Variants in TIPIN observed in about 807,000 individuals in gnomAD.
The protein encoded by TIPIN is TIMELESS-interacting protein.
A neutral mutation model predicts 35.6 loss-of-function variants in TIPIN; 29 were observed. The observed-to-expected ratio is 0.82, with a 90% CI of 0.61 to 1.11. TIPIN has a LOEUF of 1.11. TIPIN is among the 50% of genes most tolerant of loss of function. TIPIN has a pLI of 0.00. For missense variants in TIPIN, 296 were observed against 345.4 expected (o/e 0.86, Z 1.13); for synonymous variants, 102 against 121.5 (o/e 0.84, Z 1.06).
intron 4 of TIPIN, among the ~76,000 whole-genome samples, chr15:66,350,312 C>T (rs769176654): frequency 3.3e-5 from 5 of 151,736 alleles, no homozygotes; most frequent in Non-Finnish European, 5.9e-5. Flanking sequence ...AGTACAAAAA[C>T]TTAATAAAGT....
At chr15:66,365,682 G>C (rs1178580750) in intron 1 of TIPIN, among the ~76,000 whole-genome samples, 1 of 152,148 alleles carries the variant, frequency 6.6e-6, no homozygotes, top group Non-Finnish European at 1.5e-5. Flanking sequence ...GAGTAGCTGG[G>C]ATTACAGGTG....
rs747825457 is a variant in TIPIN, at chr15:66,364,158, CTTTTTTTTTTTTTTTTTT to C, written c.-8-11221_-8-11204del. 6.4e-3 allele frequency among the ~76,000 whole-genome samples: 470 copies of C among 73,844 alleles called. 5 individuals are homozygous for C. Among genetic ancestry groups the C allele is most frequent in the African/African-American group, 0.026 (451 of 17,096 alleles). 48.4% of individuals were successfully genotyped at this position (73,844 alleles called of 152,430 possible). A position where few individuals can be genotyped will look rare whatever the true frequency, so the allele number is the denominator to read the frequency against. On this transcript the variant is annotated intron_variant, in intron 1 of 7. Coordinates refer to the TIPIN transcript ENST00000562124. ...CATGCTATAGAGAAATCTTTCTTTT[CTTTTTTTTTTTTTTTTTT>C]TTTTTTGAGACAGAGTCTTGCTCTT...
At chr15:66,382,941 G>C (rs777171938) in intron 1 of TIPIN, 1 of 985,276 alleles carries the variant, frequency 1.0e-6, no homozygotes, top group Non-Finnish European at 1.2e-6. Context: ...GATCACTGCC[G>C]GTCTGAAAAG....
At chr15:66,361,748 C>A (rs543457404) in intron 1 of TIPIN, among the ~76,000 whole-genome samples, 2 of 152,266 alleles carry the variant, frequency 1.3e-5, no homozygotes, top group Admixed American at 1.3e-4. Flanking sequence ...TGGCTCATGC[C>A]TGTAACCCCA....
intron 1 of TIPIN, among the ~76,000 whole-genome samples, chr15:66,368,626 A>G (rs2140487513): frequency 6.6e-6 from 1 of 152,280 alleles, no homozygotes; most frequent in East Asian, 1.9e-4. Context: ...CATAGAACTC[A>G]AAAGAAGTAT....
intron 1 of TIPIN, chr15:66,379,196 C>T (rs2093308975): frequency 1.6e-6 from 2 of 1,212,696 alleles, no homozygotes; most frequent in East Asian, 2.6e-5. Flanking sequence ...GCCTTGATTG[C>T]ATCTTTGATG....
chr15:66,343,418 G>C (rs775974696), intron 6 of TIPIN, among the ~76,000 whole-genome samples: 2 of 151,916 alleles, frequency 1.3e-5, no homozygotes, highest in Non-Finnish European at 2.9e-5. Context: ...TGAAATATTA[G>C]CTAATTATAG....
At chr15:66,383,552 CCACCA>C (rs1252557707) in intron 1 of TIPIN, 12 of 983,056 alleles carry the variant, frequency 1.2e-5, no homozygotes, top group Non-Finnish European at 1.4e-5. Context: ...GTGTGAGCCA[CCACCA>C]CACCTGGCCT....
chr15:66,383,333 G>T (rs2093324797), intron 1 of TIPIN, among the ~76,000 whole-genome samples: 1 of 151,456 alleles, frequency 6.6e-6, no homozygotes. Flanking sequence ...AGTGATCTTG[G>T]CTCACTGTAA....
At chr15:66,364,354 C>T (rs1249365705) in intron 1 of TIPIN, among the ~76,000 whole-genome samples, 2 of 151,366 alleles carry the variant, frequency 1.3e-5, no homozygotes, top group African/African-American at 2.4e-5. Context: ...TTACTAGAGA[C>T]GGGGTTTCAC....
intron 1 of TIPIN, among the ~76,000 whole-genome samples, chr15:66,383,982 A>T (rs2140505780): frequency 6.6e-6 from 1 of 152,132 alleles, no homozygotes; most frequent in African/African-American, 2.4e-5. Flanking sequence ...AATAAAATTT[A>T]TTTTTATTTA....
chr15:66,345,063 A>G (rs1213989256), intron 6 of TIPIN, among the ~76,000 whole-genome samples: 2 of 152,108 alleles, frequency 1.3e-5, no homozygotes, highest in African/African-American at 4.8e-5. Flanking sequence ...AAAGGGAAAC[A>G]AGGGCAATGC....
chr15:66,368,475 G>A (rs75786074), intron 1 of TIPIN, among the ~76,000 whole-genome samples: 2,650 of 152,138 alleles, frequency 0.017, 38 homozygotes, highest in South Asian at 0.055. Flanking sequence ...GCTGTAGTGA[G>A]CCATGATCGT....
At chr15:66,340,627 A>T (rs1253454907) in intron 7 of TIPIN, among the ~76,000 whole-genome samples, 1 of 150,426 alleles carries the variant, frequency 6.6e-6, no homozygotes, top group Non-Finnish European at 1.5e-5. Flanking sequence ...AGAGCGTCTC[A>T]CTCAAGTCAC....
chr15:66,352,256 A>G (rs535741301), intron 2 of TIPIN, 49 bp from the exon 3 acceptor site: 1 of 1,362,912 alleles, frequency 7.3e-7, no homozygotes, highest in African/African-American at 1.5e-5. Flanking sequence ...AATGATTTGT[A>G]TTATTTATTA....
intron 1 of TIPIN, among the ~76,000 whole-genome samples, chr15:66,353,300 C>A (rs1000176580): frequency 2.6e-5 from 4 of 151,928 alleles, no homozygotes; most frequent in Non-Finnish European, 2.9e-5. Flanking sequence ...ACTTCACCCC[C>A]ACTTCAATTA....
intron 1 of TIPIN, chr15:66,382,865 G>T: frequency 1.3e-6 from 1 of 755,144 alleles, no homozygotes; most frequent in Non-Finnish European, 1.6e-6. Flanking sequence ...ATATAGTTCA[G>T]TCTTATTCTT....
Position 66,336,224 on chromosome 15 carries a change from A to T in TIPIN, c.*734T>A, listed in dbSNP as rs2093044191. 1 of 152,206 alleles carries T rather than the reference A, an allele frequency of 6.6e-6. No individual in the cohort carries two copies. The highest frequency in any genetic ancestry group is 6.6e-5 in the Admixed American group (1 of 15,264). 9.4% of individuals were successfully genotyped at this position (152,206 alleles called of 1,614,324 possible). A position where few individuals can be genotyped will look rare whatever the true frequency, so the allele number is the denominator to read the frequency against. ...AAGATAATTTTTACTTCTTTTAAAA[A>T]ATTGACATTAATATTCAGTATATAT... On this transcript the variant is annotated 3_prime_UTR_variant, in exon 8 of 8. Coordinates refer to ENST00000261881, the MANE Select transcript of TIPIN (RefSeq NM_017858.3).
chr15:66,367,748 G>GA (rs1279053732), intron 1 of TIPIN, among the ~76,000 whole-genome samples: 1 of 141,570 alleles, frequency 7.1e-6, no homozygotes, highest in African/African-American at 2.6e-5. Flanking sequence ...TTTTTTCCAA[G>GA]AAAAAAAAAG....
Sources: allele counts gnomAD v4.1 joint callset (sites outside exome capture counted in the v4.1 genomes callset), GRCh38; gene constraint gnomAD v4.1.1; transcripts MANE v1.5; gene names NCBI Gene and HGNC (gene_info 2026-07-23, HGNC 2026-07-21).